PHACTR1: variants seen among roughly 807,000 people sequenced by gnomAD.
PHACTR1 encodes RPEL repeat containing 1.
PHACTR1 carries 16 observed loss-of-function variants against 69.2 expected under a neutral mutation model. That is an observed-to-expected ratio of 0.23 (90% CI 0.16 to 0.35). PHACTR1 has a LOEUF of 0.35. Among genes scored for constraint, PHACTR1 ranks in the 10% least tolerant of loss-of-function variants. The pLI is 1.00. For missense variants in PHACTR1, 510 were observed against 734.7 expected (o/e 0.69, Z 3.54); for synonymous variants, 312 against 284.5 (o/e 1.10, Z -0.97).
chr6:13,010,526 T>C (rs1288262837), intron 4 of PHACTR1, among the ~76,000 whole-genome samples: 3 of 152,086 alleles, frequency 2.0e-5, no homozygotes, highest in Non-Finnish European at 4.4e-5. Flanking sequence ...ATTTCTAGAG[T>C]GTGCATCTGA....
chr6:12,879,926 A>T (rs1233957240), intron 4 of PHACTR1, among the ~76,000 whole-genome samples: 1 of 152,196 alleles, frequency 6.6e-6, no homozygotes, highest in East Asian at 1.9e-4. Context: ...GGACACTGTT[A>T]TACACATATC....
At chr6:12,858,807 T>TACAC (rs35797103) in intron 4 of PHACTR1, among the ~76,000 whole-genome samples, 15 of 149,500 alleles carry the variant, frequency 1.0e-4, no homozygotes, top group African/African-American at 7.4e-5. Context: ...AACACATACA[T>TACAC]ACACACACAC....
At chr6:13,082,788 T>C (rs1811611714) in intron 5 of PHACTR1, among the ~76,000 whole-genome samples, 1 of 152,196 alleles carries the variant, frequency 6.6e-6, no homozygotes, top group African/African-American at 2.4e-5. Flanking sequence ...CACTTTTTGA[T>C]GGGGTTGTTT....
At chr6:13,170,886 A>G (rs1760507323) in intron 6 of PHACTR1, among the ~76,000 whole-genome samples, 1 of 152,178 alleles carries the variant, frequency 6.6e-6, no homozygotes, top group Non-Finnish European at 1.5e-5. Flanking sequence ...GATTGAAGGC[A>G]GTCTGTTACC....
At chr6:13,199,740 A>G (rs1266288305) in intron 7 of PHACTR1, among the ~76,000 whole-genome samples, 2 of 152,186 alleles carry the variant, frequency 1.3e-5, no homozygotes, top group East Asian at 1.9e-4. Context: ...CAAGATATAG[A>G]TAGAAATAGA....
At chr6:12,774,586 G>A (rs1428459279) in intron 4 of PHACTR1, among the ~76,000 whole-genome samples, 1 of 152,014 alleles carries the variant, frequency 6.6e-6, no homozygotes. Flanking sequence ...TAGAGACAGG[G>A]TTTCACCATG....
rs1398802549 is a variant in PHACTR1 at position 13,230,459 on chromosome 6, T to C, written c.1391+266T>C. 5 of 599,194 alleles carry C rather than the reference T, an allele frequency of 8.3e-6. No homozygotes were observed. The East Asian group carries it at 3.0e-4, about 36-fold the overall frequency. The allele number at this position is 599,194 out of a possible 1,614,324, so 37.1% of individuals were successfully genotyped here. A position where few individuals can be genotyped will look rare whatever the true frequency, so the allele number is the denominator to read the frequency against. On this transcript the variant is annotated intron_variant, in intron 10 of 14. Coordinates refer to ENST00000332995, the MANE Select transcript of PHACTR1 (RefSeq NM_030948.6). ...TACTCGGGAGGCTGAGGCAGGAGGA[T>C]TGCTTGAATCTGGGAGGTGTAGGTT...
At chr6:12,944,651 G>A (rs757695876) in intron 4 of PHACTR1, among the ~76,000 whole-genome samples, 9 of 152,166 alleles carry the variant, frequency 5.9e-5, no homozygotes, top group Non-Finnish European at 1.2e-4. Flanking sequence ...ATGCCCAAGC[G>A]TGTTCTGAAC....
intron 5 of PHACTR1, among the ~76,000 whole-genome samples, chr6:13,126,041 T>C (rs1272866247): frequency 6.6e-6 from 1 of 152,244 alleles, no homozygotes; most frequent in African/African-American, 2.4e-5. Flanking sequence ...TAATATTTGA[T>C]ATTAAGAATT....
intron 6 of PHACTR1, among the ~76,000 whole-genome samples, chr6:13,168,697 CCT>C (rs1760171853): frequency 6.6e-6 from 1 of 152,012 alleles, no homozygotes; most frequent in Admixed American, 6.6e-5. Flanking sequence ...TTAGAGGAAC[CCT>C]GCGGGGTGAG....
intron 4 of PHACTR1, among the ~76,000 whole-genome samples, chr6:12,880,139 G>A (rs1401636173): frequency 1.3e-5 from 2 of 152,002 alleles, no homozygotes; most frequent in African/African-American, 2.4e-5. Context: ...TCATAAATGA[G>A]GAAATGGAAC....
chr6:12,900,933 T>C (rs374299645), intron 4 of PHACTR1, among the ~76,000 whole-genome samples: 24 of 152,198 alleles, frequency 1.6e-4, no homozygotes, highest in African/African-American at 5.3e-4. Context: ...TTAAATGTTA[T>C]CTTTTTCTTT....
intron 4 of PHACTR1, among the ~76,000 whole-genome samples, chr6:13,027,557 CT>C (rs895420689): frequency 5.5e-5 from 1 of 18,264 alleles, no homozygotes; most frequent in Non-Finnish European, 3.8e-4. Flanking sequence ...TCTGATTACA[CT>C]GTGAGAAACT....
At chr6:13,000,262 G>A (rs67193572) in intron 4 of PHACTR1, among the ~76,000 whole-genome samples, 30,029 of 152,072 alleles carry the variant, frequency 0.2, 3,262 homozygotes, top group South Asian at 0.27. Context: ...CAAAGTTGCC[G>A]GATGACCCTG....
intron 4 of PHACTR1, among the ~76,000 whole-genome samples, chr6:12,924,494 G>A (rs1788048453): frequency 6.6e-6 from 1 of 152,096 alleles, no homozygotes; most frequent in African/African-American, 2.4e-5. Context: ...TAAACTATAT[G>A]CCGGGCACGG....
At chr6:12,758,066 C>G (rs1046304742) in intron 4 of PHACTR1, among the ~76,000 whole-genome samples, 2 of 151,084 alleles carry the variant, frequency 1.3e-5, no homozygotes, top group Non-Finnish European at 2.9e-5. Flanking sequence ...GAGCCGAGGT[C>G]AAGCCACTGC....
At chr6:12,743,632 A>G (rs1247772431) in intron 3 of PHACTR1, among the ~76,000 whole-genome samples, 1 of 152,190 alleles carries the variant, frequency 6.6e-6, no homozygotes, top group East Asian at 1.9e-4. Context: ...TATGCACCCA[A>G]TATGGGAGCA....
chr6:13,009,161 C>G (rs562870885), intron 4 of PHACTR1, among the ~76,000 whole-genome samples: 2 of 152,310 alleles, frequency 1.3e-5, no homozygotes, highest in East Asian at 3.9e-4. Flanking sequence ...GGATTTAGAA[C>G]CCACGCAGAG....
At chr6:12,734,491 T>G (rs552210402) in intron 3 of PHACTR1, among the ~76,000 whole-genome samples, 1 of 152,208 alleles carries the variant, frequency 6.6e-6, no homozygotes, top group African/African-American at 2.4e-5. Flanking sequence ...GTAAGTGACC[T>G]GCATGAAATC....
Sources: gnomAD v4.1 joint callset for allele counts (sites outside exome capture counted in the v4.1 genomes callset) on GRCh38, gnomAD v4.1.1 for gene constraint, MANE v1.5 for transcripts, NCBI Gene and HGNC (gene_info 2026-07-23, HGNC 2026-07-21) for gene names.